Variants in MMP16 observed in about 807,000 individuals in gnomAD.
The protein encoded by MMP16 is matrix metalloproteinase-16.
MMP16 carries 12 observed loss-of-function variants against 67.8 expected under a neutral mutation model. The ratio of observed to expected loss-of-function variants is 0.18; its 90% CI spans 0.11 to 0.29. The LOEUF is 0.29. Among genes scored for constraint, MMP16 ranks in the 10% least tolerant of loss-of-function variants. MMP16 has a pLI of 1.00. For missense variants in MMP16, 475 were observed against 765.7 expected (o/e 0.62, Z 4.48); for synonymous variants, 249 against 255.9 (o/e 0.97, Z 0.26).
intron 2 of MMP16, among the ~76,000 whole-genome samples, chr8:88,190,297 A>G (rs1198245882): frequency 2.0e-5 from 3 of 152,218 alleles, no homozygotes; most frequent in Admixed American, 6.6e-5. Flanking sequence ...TAGGTAAAAT[A>G]CCATAAATAT....
chr8:88,044,118 G>A (rs1808169390), intron 9 of MMP16, among the ~76,000 whole-genome samples: 1 of 152,204 alleles, frequency 6.6e-6, no homozygotes, highest in South Asian at 2.1e-4. Flanking sequence ...ACATATAGGA[G>A]TAGAATTGCA....
chr8:88,270,383 G>A (rs1750961559), intron 1 of MMP16, among the ~76,000 whole-genome samples: 1 of 152,106 alleles, frequency 6.6e-6, no homozygotes, highest in Admixed American at 6.5e-5. Context: ...ACTGGTACAG[G>A]AATCAGTGAA....
chr8:88,155,060 A>G (rs575436932), intron 4 of MMP16, among the ~76,000 whole-genome samples: 1 of 152,134 alleles, frequency 6.6e-6, no homozygotes, highest in Non-Finnish European at 1.5e-5. Context: ...TTGAAGGATG[A>G]GTATGTGAAA....
At chr8:88,316,750 A>T (rs910221661) in intron 1 of MMP16, among the ~76,000 whole-genome samples, 1 of 152,210 alleles carries the variant, frequency 6.6e-6, no homozygotes, top group African/African-American at 2.4e-5. Context: ...TATATAAGAC[A>T]TACATTTTGT....
chr8:88,159,713 T>C (rs1808579694), intron 4 of MMP16, among the ~76,000 whole-genome samples: 1 of 152,126 alleles, frequency 6.6e-6, no homozygotes, highest in African/African-American at 2.4e-5. Context: ...TTGTGCCAGT[T>C]TTCAAAGGGA....
chr8:88,170,298 T>A (rs1808778823), intron 3 of MMP16, among the ~76,000 whole-genome samples: 1 of 152,188 alleles, frequency 6.6e-6, no homozygotes. Context: ...TATGTGATAC[T>A]CAGCATGGTG....
At chr8:88,180,155 C>T (rs971944788) in intron 3 of MMP16, among the ~76,000 whole-genome samples, 1 of 151,988 alleles carries the variant, frequency 6.6e-6, no homozygotes, top group African/African-American at 2.4e-5. Flanking sequence ...GTGGCACACG[C>T]CTGTAATCCC....
chr8:88,202,801 A>G (rs1486015217), intron 1 of MMP16, among the ~76,000 whole-genome samples: 1 of 152,180 alleles, frequency 6.6e-6, no homozygotes, highest in Non-Finnish European at 1.5e-5. Flanking sequence ...ATAATCATTG[A>G]CATGATGCTA....
chr8:88,160,445 A>G (rs1027409118), intron 4 of MMP16, among the ~76,000 whole-genome samples: 1 of 151,998 alleles, frequency 6.6e-6, no homozygotes, highest in African/African-American at 2.4e-5. Context: ...AGAAAAAAAC[A>G]AACAACCCCA....
At chr8:88,272,050 A>G (rs1205942830) in intron 1 of MMP16, among the ~76,000 whole-genome samples, 2 of 152,230 alleles carry the variant, frequency 1.3e-5, no homozygotes, top group African/African-American at 2.4e-5. Context: ...TAAATGGGAC[A>G]ATATATAAAC....
chr8:88,126,556 C>T (rs1807934551), intron 4 of MMP16, among the ~76,000 whole-genome samples: 1 of 151,546 alleles, frequency 6.6e-6, no homozygotes, highest in African/African-American at 2.4e-5. Context: ...GAGTAGATCT[C>T]AAGTGTTCTT....
At chr8:88,066,111 A>G (rs1180327171) in intron 7 of MMP16, among the ~76,000 whole-genome samples, 1 of 152,136 alleles carries the variant, frequency 6.6e-6, no homozygotes, top group Non-Finnish European at 1.5e-5. Context: ...ACAACCTTTC[A>G]GCTACTTGAT....
At chr8:88,214,436 C>A (rs2129826459) in intron 1 of MMP16, among the ~76,000 whole-genome samples, 1 of 152,226 alleles carries the variant, frequency 6.6e-6, no homozygotes, top group Admixed American at 6.5e-5. Flanking sequence ...TGAATACAAC[C>A]AAGACTCATC....
In MMP16 at chr8:88,035,157, G is replaced by A. The variant is rs867139697; in HGVS notation, c.*6304C>T. On this transcript the variant is annotated 3_prime_UTR_variant, in exon 10 of 10. Coordinates refer to ENST00000286614, the MANE Select transcript of MMP16 (RefSeq NM_005941.5). This position sits in a 1 kb window ranked among gnomAD's most constrained non-coding sequence, Gnocchi z 4.7. Reference sequence around the variant, plus strand: ...TTCTTTTCTTCCAGTTTTTCTCTGTGAAATAAAGGTTAATGACATCTTGCT... The same window carrying A: ...TTCTTTTCTTCCAGTTTTTCTCTGTAAAATAAAGGTTAATGACATCTTGCT... The A allele has an allele frequency of 6.6e-6, 1 of 151,848 alleles. No individual in the cohort carries two copies. Among genetic ancestry groups the A allele is most frequent in the African/African-American group, 2.4e-5 (1 of 41,372 alleles). The allele number at this position is 151,848 out of a possible 1,614,324, so 9.4% of individuals were successfully genotyped here.
rs78820709 is a variant in MMP16 at position 88,172,847 on chromosome 8, G to T, written c.405-4874C>A. 5.9e-3 allele frequency among the ~76,000 whole-genome samples: 899 copies of T among 152,046 alleles called. 3 individuals are homozygous for T. The highest frequency in any genetic ancestry group is 0.021 in the African/African-American group (852 of 41,474). On this transcript the variant is annotated intron_variant, in intron 3 of 9. Coordinates refer to ENST00000286614, the MANE Select transcript of MMP16 (RefSeq NM_005941.5). ...GTTAAATTTTATCTTTAATGACCAT[G>T]CCTTACACAATCTTACATAACAAAA...
chr8:88,056,037 T>C lies in MMP16; in HGVS notation c.1373+91A>G. The C allele has an allele frequency of 7.7e-6, 8 of 1,039,852 alleles. No individual in the cohort carries two copies. The South Asian group carries it at 1.7e-4, about 22-fold the overall frequency. 64.4% of individuals were successfully genotyped at this position (1,039,852 alleles called of 1,614,324 possible). A position where few individuals can be genotyped will look rare whatever the true frequency, so the allele number is the denominator to read the frequency against. ...TCCTGTGTTAAATCCACCAGGATTC[T>C]TCAACAGCTGATGCCTCTGATAGAC... is the stretch of plus-strand genomic sequence containing the variant. On this transcript the variant is annotated intron_variant, in intron 8 of 9. Coordinates refer to ENST00000286614, the MANE Select transcript of MMP16 (RefSeq NM_005941.5).
At chr8:88,267,946 T>C (rs773143201) in intron 1 of MMP16, among the ~76,000 whole-genome samples, 1 of 152,144 alleles carries the variant, frequency 6.6e-6, no homozygotes, top group Non-Finnish European at 1.5e-5. Context: ...GTTTTTAATA[T>C]AGTTTAAATT....
chr8:88,217,545 C>A (rs1452687876), intron 1 of MMP16, among the ~76,000 whole-genome samples: 1 of 152,026 alleles, frequency 6.6e-6, no homozygotes, highest in Non-Finnish European at 1.5e-5. Flanking sequence ...CCCTTCTCTG[C>A]CAATGTGGAA....
chr8:88,300,642 G>A (rs1811082856), intron 1 of MMP16, among the ~76,000 whole-genome samples: 1 of 152,114 alleles, frequency 6.6e-6, no homozygotes, highest in Non-Finnish European at 1.5e-5. Context: ...CTTTACCACA[G>A]GTATGTACGT....
Sources: allele counts gnomAD v4.1 joint callset (sites outside exome capture counted in the v4.1 genomes callset), GRCh38; gene constraint gnomAD v4.1.1; non-coding constraint Gnocchi (gnomAD v3.1); transcripts MANE v1.5; gene names NCBI Gene and HGNC (gene_info 2026-07-23, HGNC 2026-07-21).